Variants in EEFSEC observed in about 807,000 individuals in gnomAD.
The protein encoded by EEFSEC is eukaryotic elongation factor, selenocysteine-tRNA specific.
EEFSEC carries 43 observed loss-of-function variants against 42.1 expected under a neutral mutation model. The observed-to-expected ratio is 1.02, with a 90% confidence interval of 0.80 to 1.32. The LOEUF (loss-of-function observed/expected upper bound fraction) is 1.32. Ranked by LOEUF, EEFSEC falls within the 40% of genes most tolerant of loss-of-function variation. EEFSEC has a pLI of 0.00. For synonymous variants in EEFSEC, 354 were observed against 339.1 expected (o/e 1.04, Z -0.48); for missense variants, 745 against 803.6 (o/e 0.93, Z 0.88).
chr3:128,425,604 G>C, the EEFSEC span, among the ~76,000 whole-genome samples: 9 of 152,234 alleles, frequency 5.9e-5, no homozygotes, highest in Admixed American at 5.9e-4. Context: ...CCGCCTGACT[G>C]GGCATTTTAC....
chr3:128,328,487 A>G (rs958325528), intron 4 of EEFSEC, among the ~76,000 whole-genome samples: 2 of 152,214 alleles, frequency 1.3e-5, no homozygotes, highest in Admixed American at 6.5e-5. Context: ...AGCCCATTGC[A>G]TGCCTGCCCT....
rs562281649 is a variant in EEFSEC at position 128,204,387 on chromosome 3, A to G, written c.317-42449A>G. 7.2e-5 allele frequency among the ~76,000 whole-genome samples: 11 copies of G among 152,266 alleles called. No individual in the cohort carries two copies. The South Asian group carries it at 1.7e-3, about 23-fold the overall frequency. The stretch of plus-strand genomic sequence containing the variant: ...ATAAATATTAACTGTTATTATTGCT[A>G]TGGTTACTGATATTTGTATTGCTTT... On this transcript the variant is annotated intron_variant, in intron 1 of 6. Transcript: ENST00000254730.
At chr3:128,225,606 C>T (rs1017299692) in intron 1 of EEFSEC, among the ~76,000 whole-genome samples, 2 of 152,246 alleles carry the variant, frequency 1.3e-5, no homozygotes, top group African/African-American at 4.8e-5. Context: ...CACATAGTAG[C>T]TGTTTATAAA....
At chr3:128,425,180 G>A in the EEFSEC span, among the ~76,000 whole-genome samples, 1 of 152,168 alleles carries the variant, frequency 6.6e-6, no homozygotes. Context: ...CCCTGTGAAA[G>A]CACCCCTCGC....
intron 5 of EEFSEC, among the ~76,000 whole-genome samples, chr3:128,351,775 T>C (rs1356589121): frequency 6.6e-6 from 1 of 152,224 alleles, no homozygotes; most frequent in Non-Finnish European, 1.5e-5. Context: ...TGGACTTCCA[T>C]GTGCACAGTG....
chr3:128,268,572 A>T (rs568332359), intron 4 of EEFSEC, among the ~76,000 whole-genome samples: 1 of 152,242 alleles, frequency 6.6e-6, no homozygotes, highest in East Asian at 1.9e-4. Context: ...TAAGGTAAGG[A>T]TCTTAAGAAG....
At chr3:128,225,540 G>C (rs1422961876) in intron 1 of EEFSEC, among the ~76,000 whole-genome samples, 3 of 152,222 alleles carry the variant, frequency 2.0e-5, no homozygotes, top group African/African-American at 4.8e-5. Flanking sequence ...TACTTTGCAG[G>C]GTTGTTGTGA....
intron 6 of EEFSEC, among the ~76,000 whole-genome samples, chr3:128,400,588 C>T (rs1357402882): frequency 1.3e-5 from 2 of 152,206 alleles, no homozygotes; most frequent in Non-Finnish European, 2.9e-5. Context: ...GTGACTAGAG[C>T]GGCCCCAGCC....
intron 4 of EEFSEC, among the ~76,000 whole-genome samples, chr3:128,340,825 T>C (rs1369257993): frequency 6.6e-6 from 1 of 152,144 alleles, no homozygotes; most frequent in Non-Finnish European, 1.5e-5. Flanking sequence ...GAGGCCATTC[T>C]TGGGGGAGGA....
chr3:128,382,844 C>G (rs946722624), intron 6 of EEFSEC, among the ~76,000 whole-genome samples: 4 of 152,220 alleles, frequency 2.6e-5, no homozygotes, highest in Non-Finnish European at 4.4e-5. Flanking sequence ...GCAACCCCTA[C>G]TCTTCTCCCT....
At chr3:128,158,952 T>G (rs1944428968) in intron 1 of EEFSEC, among the ~76,000 whole-genome samples, 1 of 152,240 alleles carries the variant, frequency 6.6e-6, no homozygotes, top group African/African-American at 2.4e-5. Context: ...GTATGTACAT[T>G]GTTGCTTATC....
intron 6 of EEFSEC, among the ~76,000 whole-genome samples, chr3:128,397,339 G>A (rs57701714): frequency 1.2e-4 from 18 of 152,326 alleles, no homozygotes; most frequent in African/African-American, 3.6e-4. Flanking sequence ...GGGAATCGCT[G>A]CTCCCTGGCT....
At chr3:128,241,201 C>CTTTT (rs373420882) in intron 1 of EEFSEC, among the ~76,000 whole-genome samples, 1,733 of 80,574 alleles carry the variant, frequency 0.022, 16 homozygotes, top group Non-Finnish European at 0.029. Context: ...CTCTCTCTCT[C>CTTTT]TTTTTTTTTT....
chr3:128,378,602 TG>T (rs1454446029), intron 6 of EEFSEC, among the ~76,000 whole-genome samples: 1 of 152,106 alleles, frequency 6.6e-6, no homozygotes, highest in Non-Finnish European at 1.5e-5. Context: ...GTGGTACTAG[TG>T]GTCTGGGGGC....
intron 6 of EEFSEC, among the ~76,000 whole-genome samples, chr3:128,360,939 A>G (rs1339938945): frequency 1.1e-5 from 1 of 93,382 alleles, no homozygotes; most frequent in Non-Finnish European, 2.0e-5. Flanking sequence ...CCTCCCTTTT[A>G]ACCTTTTTGA....
At chr3:128,222,141 C>CCGGGGT (rs2065867827) in intron 1 of EEFSEC, among the ~76,000 whole-genome samples, 1 of 146,110 alleles carries the variant, frequency 6.8e-6, no homozygotes, top group South Asian at 2.2e-4. Flanking sequence ...TCAAGCGATT[C>CCGGGGT]TCATGCCCCA....
intron 5 of EEFSEC, among the ~76,000 whole-genome samples, chr3:128,350,293 C>T (rs564455842): frequency 6.6e-6 from 1 of 152,378 alleles, no homozygotes; most frequent in East Asian, 1.9e-4. Flanking sequence ...CCATCATTCT[C>T]AGCAGGGATG....
chr3:128,374,757 A>G (rs1363801441), intron 6 of EEFSEC, among the ~76,000 whole-genome samples: 1 of 152,246 alleles, frequency 6.6e-6, no homozygotes, highest in Non-Finnish European at 1.5e-5. Context: ...TAATAATATA[A>G]TTTACTCTTC....
intron 6 of EEFSEC, among the ~76,000 whole-genome samples, chr3:128,374,645 T>C (rs904044694): frequency 6.6e-6 from 1 of 152,124 alleles, no homozygotes; most frequent in Non-Finnish European, 1.5e-5. Flanking sequence ...TTTTCCTCCA[T>C]GTTTATGATT....
Sources: gnomAD v4.1 joint callset for allele counts (sites outside exome capture counted in the v4.1 genomes callset) on GRCh38, gnomAD v4.1.1 for gene constraint, MANE v1.5 for transcripts, NCBI Gene and HGNC (gene_info 2026-07-23, HGNC 2026-07-21) for gene names.